Variants in MTREX observed in about 807,000 individuals in gnomAD.
MTREX encodes the protein Mtr4 exosome RNA helicase, also known as exosome RNA helicase MTR4.
A neutral mutation model predicts 135.4 loss-of-function variants in MTREX; 76 were observed. The ratio of observed to expected loss-of-function variants is 0.56; its 90% CI spans 0.47 to 0.68. The LOEUF (loss-of-function observed/expected upper bound fraction) is 0.68. Ranked by LOEUF, MTREX falls within the 30% of genes least tolerant of loss-of-function variation. The pLI is 0.00. For missense variants in MTREX, 920 were observed against 1,262.1 expected, an observed-to-expected ratio of 0.73 and a Z score of 4.11; for synonymous variants, 404 against 401.6, an observed-to-expected ratio of 1.01 and a Z score of -0.07.
In MTREX at chr5:55,414,205, A is replaced by C; in HGVS notation, c.2775A>C (p.Thr925=). Residue 925 remains threonine, a synonymous_variant, in exon 24 of 27, where the codon ACA becomes ACC. Coordinates refer to ENST00000230640, the MANE Select transcript of MTREX (RefSeq NM_015360.5). Reference sequence around the variant, plus strand: ...AGTCTAGTGAGATGCCCAAATTAACAGAACAATTAGCAGGACCACTTCGTC... The same window carrying C: ...AGTCTAGTGAGATGCCCAAATTAACCGAACAATTAGCAGGACCACTTCGTC... The part of the protein sequence containing the change: ...QENSSEMPKL[T]EQLAGPLRQM... 1.3e-6 allele frequency: 2 copies of C among 1,573,224 alleles called. No homozygotes were observed. Among genetic ancestry groups the C allele is most frequent in the Non-Finnish European group, 8.6e-7 (1 of 1,168,886 alleles).
intron 20 of MTREX, among the ~76,000 whole-genome samples, chr5:55,399,341 T>C (rs1191776052): frequency 6.6e-6 from 1 of 152,202 alleles, no homozygotes; most frequent in Non-Finnish European, 1.5e-5. Context: ...TCCTACCTTA[T>C]CTTTAAGGCT....
intron 22 of MTREX, among the ~76,000 whole-genome samples, chr5:55,406,385 T>C (rs1044844301): frequency 6.6e-6 from 1 of 152,182 alleles, no homozygotes; most frequent in Non-Finnish European, 1.5e-5. Context: ...GGTCTCTCCA[T>C]GTGGGCTGGT....
intron 19 of MTREX, among the ~76,000 whole-genome samples, chr5:55,394,297 T>C (rs987546312): frequency 6.6e-6 from 1 of 152,250 alleles, no homozygotes; most frequent in African/African-American, 2.4e-5. Context: ...TCCTGAGTCT[T>C]CTCTGTCCAA....
chr5:55,355,376 T>A (rs994442375), intron 14 of MTREX, among the ~76,000 whole-genome samples: 1 of 152,166 alleles, frequency 6.6e-6, no homozygotes, highest in Non-Finnish European at 1.5e-5. Flanking sequence ...GCCCTCTGCT[T>A]TGGCCCTCAA....
intron 1 of MTREX, among the ~76,000 whole-genome samples, chr5:55,320,240 G>A (rs1749265860): frequency 6.9e-6 from 1 of 144,882 alleles, no homozygotes; most frequent in South Asian, 2.2e-4. Flanking sequence ...TTTTTTGAGA[G>A]GGAGTCTTGC....
chr5:55,401,040 C>T (rs920523626), intron 21 of MTREX, among the ~76,000 whole-genome samples: 3 of 151,648 alleles, frequency 2.0e-5, no homozygotes, highest in African/African-American at 7.3e-5. Flanking sequence ...TCCGTGCATG[C>T]GTGTGTGTGT....
At chr5:55,327,831 T>C (rs1486269018) in intron 4 of MTREX, 53 bp downstream of exon 4, 3 of 1,269,462 alleles carry the variant, frequency 2.4e-6, no homozygotes, top group Non-Finnish European at 3.4e-6. Context: ...TCTCTTTTTC[T>C]TAAAATTCTT....
intron 6 of MTREX, among the ~76,000 whole-genome samples, chr5:55,341,039 C>CTTTGCATA (rs775750793): frequency 1.6e-4 from 24 of 151,980 alleles, no homozygotes; most frequent in African/African-American, 2.4e-5. Flanking sequence ...TGCATTTAAC[C>CTTTGCATA]CCAAGGATAT....
chr5:55,400,183 T>A, intron 20 of MTREX, 50 bp from the exon 21 acceptor site: 1 of 1,392,330 alleles, frequency 7.2e-7, no homozygotes, highest in Non-Finnish European at 9.7e-7. Context: ...TGGTTTGGTC[T>A]TACTAATTTT....
rs754713409 is a variant in MTREX, at chr5:55,405,572, G to T, written c.2629G>T (p.Ala877Ser). Reference protein sequence around the residue: ...SDVIEMKGRVACEISSADELL... With the variant: ...SDVIEMKGRVSCEISSADELL... ...TGTAATAGAGATGAAAGGACGAGTG[G>T]CTTGTGAGATAAGCAGGTAAAATCT... The change falls in exon 22 of 27, where the codon GCT (alanine) becomes TCT (serine). Residue 877 changes from alanine (A) to serine (S), a missense_variant. This residue lies in a region of MTREX where 467 missense variants were observed against 589.7 expected (regional missense o/e 0.79). Coordinates refer to ENST00000230640, the MANE Select transcript of MTREX (RefSeq NM_015360.5). 3 of 1,612,072 alleles carry T rather than the reference G, an allele frequency of 1.9e-6. No homozygotes were observed. The highest frequency in any genetic ancestry group is 2.5e-6 in the Non-Finnish European group (3 of 1,178,842).
At chr5:55,403,098 G>A (rs1750750035) in intron 21 of MTREX, among the ~76,000 whole-genome samples, 1 of 151,910 alleles carries the variant, frequency 6.6e-6, no homozygotes. Context: ...GTACTCAGGA[G>A]GCTGAGGTAG....
chr5:55,379,142 G>A lies in MTREX; in HGVS notation c.1999G>A (p.Asp667Asn), dbSNP rs754297100. ...TTCTTTTTAGGTAAAGAATGAAGGAGATGACTTTGGCTGGGGAGTAGTGGT... is the reference window on the plus strand; with the variant it reads ...TTCTTTTTAGGTAAAGAATGAAGGAAATGACTTTGGCTGGGGAGTAGTGGT... ...GRLVKVKNEG[D>N]DFGWGVVVNF... Residue 667 changes from aspartate to asparagine, a missense_variant, in exon 18 of 27, where the codon GAT (aspartate) becomes AAT (asparagine). Physicochemically the swap from Asp to Asn is conservative, Grantham distance 23 (BLOSUM62 1). This residue lies in a region of MTREX where 467 missense variants were observed against 589.7 expected (regional missense o/e 0.79). Coordinates refer to ENST00000230640, the MANE Select transcript of MTREX (RefSeq NM_015360.5). The A allele has an allele frequency of 6.2e-7, 1 of 1,609,244 alleles. No homozygotes were observed. Among genetic ancestry groups the A allele is most frequent in the South Asian group, 1.1e-5 (1 of 90,984 alleles).
chr5:55,327,089 G>GTCTATCACTGATGGACATTTGGGT (rs1231443922), intron 3 of MTREX, among the ~76,000 whole-genome samples: 3 of 152,160 alleles, frequency 2.0e-5, no homozygotes, highest in Non-Finnish European at 4.4e-5. Flanking sequence ...TCTTTATCCA[G>GTCTATCACTGATGGACATTTGGGT]TCTATCACTG....
chr5:55,414,345 T>TA (rs1750934015), intron 24 of MTREX, 107 bp downstream of exon 24: 1 of 901,564 alleles, frequency 1.1e-6, no homozygotes, highest in Non-Finnish European at 1.6e-6. Context: ...TTCACAGAGA[T>TA]AACCTATAAG....
intron 16 of MTREX, among the ~76,000 whole-genome samples, chr5:55,369,914 T>TC (rs892738742): frequency 1.7e-5 from 2 of 118,868 alleles, no homozygotes; most frequent in Non-Finnish European, 3.4e-5. Context: ...TTTTCTTTTT[T>TC]CTTTTTTTTT....
chr5:55,346,373 CA>C (rs1156856574), intron 10 of MTREX, among the ~76,000 whole-genome samples: 1 of 152,330 alleles, frequency 6.6e-6, no homozygotes, highest in Non-Finnish European at 1.5e-5. Context: ...TCTGTAATTA[CA>C]GCATCCCTGG....
chr5:55,422,736 G>A, intron 25 of MTREX, 142 bp from the exon 26 acceptor site: 2 of 636,048 alleles, frequency 3.1e-6, no homozygotes, highest in Non-Finnish European at 5.5e-6. Context: ...GCTTTCTCCA[G>A]TACCTAACCA....
At position 55,355,388 on chromosome 5, in the gene MTREX, G is replaced by T. The variant is rs138530353; in HGVS notation, c.1533+2119G>T. 1.3e-3 allele frequency among the ~76,000 whole-genome samples: 205 copies of T among 152,280 alleles called. 2 individuals carry two copies. The Middle Eastern group carries it at 0.024, about 18-fold the overall frequency. On this transcript the variant is annotated intron_variant, in intron 14 of 26. Coordinates refer to ENST00000230640, the MANE Select transcript of MTREX (RefSeq NM_015360.5). ...CCTGCCCTCTGCTTTGGCCCTCAAG[G>T]GTCCCATTCCCCAGGTAGCAGCAGT...
chr5:55,404,946 GGCAT>G (rs1750779084), intron 21 of MTREX, among the ~76,000 whole-genome samples: 1 of 151,938 alleles, frequency 6.6e-6, no homozygotes, highest in South Asian at 2.1e-4. Flanking sequence ...TGGGACTACA[GGCAT>G]GCGCCCGCCA....
Sources: gnomAD v4.1 joint callset for allele counts (sites outside exome capture counted in the v4.1 genomes callset) on GRCh38, gnomAD v4.1.1 for gene constraint, gnomAD v4.1.1 regional missense constraint, MANE v1.5 for transcripts, NCBI Gene and HGNC (gene_info 2026-07-23, HGNC 2026-07-21) for gene names.